TLK1: variants seen among roughly 807,000 people sequenced by gnomAD.
TLK1 encodes the protein tousled like kinase 1.
A neutral mutation model predicts 105.3 loss-of-function variants in TLK1; 24 were observed. The observed-to-expected ratio is 0.23, with a 90% CI of 0.17 to 0.32. The LOEUF (loss-of-function observed/expected upper bound fraction) is 0.32. Among genes scored for constraint, TLK1 ranks in the 10% least tolerant of loss-of-function variants. The pLI, the probability that TLK1 is intolerant of heterozygous loss-of-function variation, is 1.00. For missense variants in TLK1, 558 were observed against 910.5 expected, an observed-to-expected ratio of 0.61 and a Z score of 4.98; for synonymous variants, 321 against 310.4, an observed-to-expected ratio of 1.03 and a Z score of -0.36.
intron 1 of TLK1, among the ~76,000 whole-genome samples, chr2:171,143,457 G>C (rs1290615780): frequency 8.2e-6 from 1 of 121,618 alleles, no homozygotes; most frequent in Non-Finnish European, 1.6e-5. Context: ...AGTGAGCCAA[G>C]ATCACACCAC....
In TLK1 at chr2:171,029,994, C is replaced by T. The variant is rs148699663; in HGVS notation, c.1170-1589G>A. Among the ~76,000 whole-genome samples, 503 of 152,318 alleles carry T rather than the reference C, an allele frequency of 3.3e-3. 4 individuals are homozygous for T. The highest frequency in any genetic ancestry group is 0.011 in the African/African-American group (448 of 41,556). On this transcript the variant is annotated intron_variant, in intron 11 of 20. Coordinates refer to ENST00000431350, the MANE Select transcript of TLK1 (RefSeq NM_012290.5). ...TGCCTGGCTTCAAGTGATCCACCGA[C>T]CTCAGCCTCCCAAAGTGCTGGGATT...
intron 1 of TLK1, among the ~76,000 whole-genome samples, chr2:171,145,254 G>A (rs1421542803): frequency 6.6e-6 from 1 of 152,074 alleles, no homozygotes; most frequent in Admixed American, 6.6e-5. Context: ...GTTGCAGTGA[G>A]CCGAGATCGC....
chr2:171,179,375 T>C (rs1295247034), intron 1 of TLK1, among the ~76,000 whole-genome samples: 1 of 152,192 alleles, frequency 6.6e-6, no homozygotes, highest in African/African-American at 2.4e-5. Flanking sequence ...CAGACATGAA[T>C]TGGAATCTTG....
intron 3 of TLK1, among the ~76,000 whole-genome samples, chr2:171,063,238 C>T (rs1482289100): frequency 2.6e-5 from 4 of 151,724 alleles, no homozygotes; most frequent in Admixed American, 1.3e-4. Flanking sequence ...GCCAGCTACT[C>T]GGGAGGCTGA....
At chr2:171,085,965 A>G (rs995184425) in intron 2 of TLK1, among the ~76,000 whole-genome samples, 1 of 152,222 alleles carries the variant, frequency 6.6e-6, no homozygotes, top group Non-Finnish European at 1.5e-5. Context: ...TGCTAATGTT[A>G]TTTTGAGACA....
At chr2:171,108,597 G>C (rs1474474871) in intron 2 of TLK1, among the ~76,000 whole-genome samples, 1 of 151,752 alleles carries the variant, frequency 6.6e-6, no homozygotes, top group Non-Finnish European at 1.5e-5. Flanking sequence ...TACAAGAAAT[G>C]CATTTAATTT....
intron 2 of TLK1, among the ~76,000 whole-genome samples, chr2:171,086,543 T>C (rs999478409): frequency 4.0e-5 from 6 of 151,770 alleles, no homozygotes; most frequent in Non-Finnish European, 8.8e-5. Flanking sequence ...GGAGAAATGC[T>C]TGAATCTGGG....
intron 1 of TLK1, among the ~76,000 whole-genome samples, chr2:171,206,711 G>T (rs958885903): frequency 6.6e-6 from 1 of 152,190 alleles, no homozygotes; most frequent in Non-Finnish European, 1.5e-5. Context: ...GACATGAAAA[G>T]TCCCCTTGAC....
intron 1 of TLK1, among the ~76,000 whole-genome samples, chr2:171,134,725 CTT>C (rs572825171): frequency 8.2e-4 from 85 of 103,772 alleles, no homozygotes; most frequent in African/African-American, 2.5e-3. Context: ...ACTATTTGGC[CTT>C]TTTTTTTTTT....
intron 1 of TLK1, among the ~76,000 whole-genome samples, chr2:171,195,411 G>A (rs747107242): frequency 1.0e-4 from 15 of 150,496 alleles, no homozygotes; most frequent in Non-Finnish European, 1.9e-4. Flanking sequence ...GCTGAGGCAG[G>A]AGAATGGCGT....
intron 1 of TLK1, among the ~76,000 whole-genome samples, chr2:171,197,374 T>G (rs1022543094): frequency 6.6e-6 from 1 of 152,066 alleles, no homozygotes; most frequent in Non-Finnish European, 1.5e-5. Context: ...AACCCGAAAA[T>G]ACCCCCCAAA....
rs199944263 is a variant in TLK1, at chr2:171,071,294, C to CT, written c.331-10139dup. 4.4e-3 allele frequency among the ~76,000 whole-genome samples: 637 copies of CT among 144,872 alleles called. 7 individuals are homozygous for CT. Among genetic ancestry groups the CT allele is most frequent in the African/African-American group, 0.013 (532 of 39,812 alleles). On this transcript the variant is annotated intron_variant, in intron 3 of 20. Transcript: ENST00000431350. The stretch of plus-strand genomic sequence containing the variant: ...TTAATTTGATGTGATCCCATTTGTC[C>CT]TTTTTTTTTTTGACATGGAGTCTCG...
intron 1 of TLK1, among the ~76,000 whole-genome samples, chr2:171,203,014 CA>C (rs1693433060): frequency 6.6e-6 from 1 of 151,872 alleles, no homozygotes; most frequent in African/African-American, 2.4e-5. Context: ...GGTGGGGGAA[CA>C]TACACTATAT....
chr2:171,048,580 G>A (rs1450506625), intron 10 of TLK1, among the ~76,000 whole-genome samples: 1 of 33,920 alleles, frequency 2.9e-5, no homozygotes, highest in African/African-American at 5.2e-5. Context: ...TTCCGATCAC[G>A]TACACTATAT....
At chr2:171,211,549 T>C (rs576394506) in intron 1 of TLK1, among the ~76,000 whole-genome samples, 1 of 140,360 alleles carries the variant, frequency 7.1e-6, no homozygotes. Flanking sequence ...CTGAGTTAAA[T>C]GGATGCTTTT....
intron 1 of TLK1, among the ~76,000 whole-genome samples, chr2:171,119,325 C>A (rs369586056): frequency 6.6e-6 from 1 of 152,162 alleles, no homozygotes; most frequent in East Asian, 1.9e-4. Flanking sequence ...ATAAACAGTT[C>A]TAGTTTTCAT....
chr2:171,119,984 T>C (rs1690585908), intron 1 of TLK1, among the ~76,000 whole-genome samples: 1 of 152,126 alleles, frequency 6.6e-6, no homozygotes, highest in African/African-American at 2.4e-5. Flanking sequence ...CAGTGGCTCA[T>C]GCCTGAAATC....
rs186812623 is a variant in TLK1, at chr2:171,009,984, C to G, written c.1416+1389G>C. 1.4e-3 allele frequency among the ~76,000 whole-genome samples: 214 copies of G among 152,236 alleles called. 1 individual carries two copies. Among genetic ancestry groups the G allele is most frequent in the Non-Finnish European group, 2.6e-3 (176 of 68,024 alleles). ...CTTCACTAGGACTTCATCCCAAGAG[C>G]AAATGGGAAGCTACTGGGGCTTTCA... On this transcript the variant is annotated intron_variant, in intron 14 of 20. Coordinates refer to ENST00000431350, the MANE Select transcript of TLK1 (RefSeq NM_012290.5).
Position 171,181,412 on chromosome 2 carries a change from G to A in TLK1, c.-6+49733C>T, listed in dbSNP as rs535959969. ...CTAAAGCTTCCCTTCTAACATATTA[G>A]CATCAAAGAGTTTCTACGTCCTCAT... is the stretch of plus-strand genomic sequence containing the variant. On this transcript the variant is annotated intron_variant, in intron 1 of 20. Transcript: ENST00000521943. Among the ~76,000 whole-genome samples, 115 of 152,262 alleles carry A rather than the reference G, an allele frequency of 7.6e-4. 2 individuals carry two copies. Among genetic ancestry groups the A allele is most frequent in the African/African-American group, 2.6e-3 (110 of 41,570 alleles).
Sources: gnomAD v4.1 joint callset for allele counts (sites outside exome capture counted in the v4.1 genomes callset) on GRCh38, gnomAD v4.1.1 for gene constraint, MANE v1.5 for transcripts, NCBI Gene and HGNC (gene_info 2026-07-23, HGNC 2026-07-21) for gene names.